FAM227B: variants seen among roughly 807,000 people sequenced by gnomAD.
FAM227B encodes the protein protein FAM227B.
FAM227B carries 88 observed loss-of-function variants against 73.8 expected under a neutral mutation model. The observed-to-expected ratio is 1.19, with a 90% CI of 1.00 to 1.42. The LOEUF is 1.42. Among genes scored for constraint, FAM227B ranks in the 40% most tolerant of loss-of-function variants. The probability of loss-of-function intolerance (pLI) is 0.00; values close to 1 mark genes in which losing one functional copy is unlikely to be tolerated. For synonymous variants in FAM227B, 210 were observed against 190.5 expected (o/e 1.10, Z -0.84); for missense variants, 632 against 590.9 (o/e 1.07, Z -0.72).
intron 9 of FAM227B, among the ~76,000 whole-genome samples, chr15:49,549,796 G>A (rs1425206948): frequency 2.6e-5 from 4 of 152,072 alleles, no homozygotes; most frequent in South Asian, 2.1e-4. Flanking sequence ...CCACAAAACC[G>A]CCATTGTCAT....
At chr15:49,472,761 G>C (rs2054893841) in intron 11 of FAM227B, among the ~76,000 whole-genome samples, 1 of 152,118 alleles carries the variant, frequency 6.6e-6, no homozygotes, top group South Asian at 2.1e-4. Flanking sequence ...AAAAGGGCTA[G>C]AATCAAAACG....
At chr15:49,476,192 G>A (rs2055252064) in intron 11 of FAM227B, among the ~76,000 whole-genome samples, 1 of 127,406 alleles carries the variant, frequency 7.8e-6, no homozygotes, top group South Asian at 2.4e-4. Flanking sequence ...TCTTTCTTCT[G>A]AATTCCTATT....
chr15:49,594,517 G>A (rs1307134039), intron 3 of FAM227B, among the ~76,000 whole-genome samples: 1 of 152,076 alleles, frequency 6.6e-6, no homozygotes, highest in Admixed American at 6.6e-5. Context: ...ATGTCTAGAA[G>A]GGTTTTTCCA....
intron 9 of FAM227B, among the ~76,000 whole-genome samples, chr15:49,566,138 A>G (rs1208390457): frequency 6.6e-6 from 1 of 152,226 alleles, no homozygotes; most frequent in Non-Finnish European, 1.5e-5. Flanking sequence ...TTAATCTATT[A>G]GTGCTCAAAT....
At chr15:49,615,043 TG>T in intron 2 of FAM227B, 77 bp downstream of exon 2, 1 of 1,333,812 alleles carries the variant, frequency 7.5e-7, no homozygotes, top group Non-Finnish European at 1.1e-6. Flanking sequence ...CAGCTCTACC[TG>T]GGAGCCCTGA....
At chr15:49,425,405 C>T (rs2050038278) in intron 11 of FAM227B, 1 of 152,014 alleles carries the variant, frequency 6.6e-6, no homozygotes, top group South Asian at 2.1e-4. Context: ...GAATAACCAA[C>T]TTCAATAGTA....
intron 13 of FAM227B, among the ~76,000 whole-genome samples, chr15:49,340,568 C>T (rs1482291800): frequency 1.3e-5 from 2 of 152,214 alleles, no homozygotes; most frequent in African/African-American, 2.4e-5. Flanking sequence ...TCCTATTAGG[C>T]CATCTTGCCA....
intron 11 of FAM227B, chr15:49,396,103 G>T: frequency 2.4e-6 from 1 of 418,164 alleles, no homozygotes; most frequent in South Asian, 1.8e-5. Flanking sequence ...TCTCACTAGG[G>T]AGTGCCAGAC....
At chr15:49,378,055 G>T (rs2046285147) in intron 11 of FAM227B, among the ~76,000 whole-genome samples, 1 of 152,112 alleles carries the variant, frequency 6.6e-6, no homozygotes, top group Non-Finnish European at 1.5e-5. Context: ...AGATAGCGGT[G>T]TAGTTTCAGT....
intron 13 of FAM227B, among the ~76,000 whole-genome samples, chr15:49,352,289 A>G (rs1398222775): frequency 1.3e-5 from 2 of 152,254 alleles, no homozygotes; most frequent in Non-Finnish European, 2.9e-5. Context: ...GAATTACAAA[A>G]GACTGTTCAA....
intron 13 of FAM227B, among the ~76,000 whole-genome samples, chr15:49,355,835 A>G (rs1395667949): frequency 6.6e-6 from 1 of 152,208 alleles, no homozygotes; most frequent in Non-Finnish European, 1.5e-5. Context: ...AAGGGCAGCT[A>G]GAGAGAAAGG....
intron 13 of FAM227B, among the ~76,000 whole-genome samples, chr15:49,361,165 C>G (rs546819455): frequency 4.0e-5 from 6 of 151,892 alleles, no homozygotes; most frequent in African/African-American, 1.4e-4. Context: ...ACTTTTTACC[C>G]CATAAATATA....
At chr15:49,338,612 G>A (rs1047378632) in intron 13 of FAM227B, among the ~76,000 whole-genome samples, 2 of 152,110 alleles carry the variant, frequency 1.3e-5, no homozygotes, top group African/African-American at 4.8e-5. Flanking sequence ...TCTTGGGGTT[G>A]CTCTTTTTGA....
chr15:49,620,128 C>T (rs560734741), intron 1 of FAM227B: 2 of 152,274 alleles, frequency 1.3e-5, no homozygotes, highest in South Asian at 4.1e-4. Flanking sequence ...TTCTTCAAGG[C>T]CTTACCCAAG....
intron 10 of FAM227B, among the ~76,000 whole-genome samples, chr15:49,509,363 A>C (rs1567440813): frequency 6.6e-6 from 1 of 152,138 alleles, no homozygotes; most frequent in Non-Finnish European, 1.5e-5. Context: ...AGAATATAGA[A>C]AATAAAATAC....
chr15:49,491,893 T>A (rs1366453601), intron 11 of FAM227B, among the ~76,000 whole-genome samples: 2 of 151,848 alleles, frequency 1.3e-5, no homozygotes, highest in African/African-American at 4.8e-5. Flanking sequence ...AAATTCCCCA[T>A]GTAATCTGGT....
intron 5 of FAM227B, among the ~76,000 whole-genome samples, chr15:49,584,315 C>T (rs745758315): frequency 3.5e-4 from 53 of 152,194 alleles, no homozygotes; most frequent in Non-Finnish European, 1.5e-5. Flanking sequence ...AATTCAACAT[C>T]CTTTCATGTG....
chr15:49,436,663 G>A (rs548647758), intron 11 of FAM227B, among the ~76,000 whole-genome samples: 13 of 149,530 alleles, frequency 8.7e-5, no homozygotes, highest in Non-Finnish European at 1.7e-4. Flanking sequence ...GCAGATGGGG[G>A]AGATTTGGCT....
intron 14 of FAM227B, among the ~76,000 whole-genome samples, chr15:49,332,226 C>A (rs761570967): frequency 2.0e-4 from 31 of 152,160 alleles, no homozygotes; most frequent in Non-Finnish European, 3.7e-4. Context: ...AGTGGCACAT[C>A]CTCTTCAGTT....
Sources: allele counts gnomAD v4.1 joint callset (sites outside exome capture counted in the v4.1 genomes callset), GRCh38; gene constraint gnomAD v4.1.1; transcripts MANE v1.5; gene names NCBI Gene and HGNC (gene_info 2026-07-23, HGNC 2026-07-21).